The following ARHGAP20 variants were observed in gnomAD, a reference collection of about 807,000 sequenced individuals.
ARHGAP20 encodes the protein Rho GTPase activating protein 20.
Under a neutral mutation model 73.7 loss-of-function variants are expected in ARHGAP20, and 34 were observed. The ratio of observed to expected loss-of-function variants is 0.46; its 90% confidence interval spans 0.35 to 0.61. The LOEUF (loss-of-function observed/expected upper bound fraction) is 0.61. Among genes scored for constraint, ARHGAP20 ranks in the 20% least tolerant of loss-of-function variants. ARHGAP20 has a pLI of 0.00. For missense variants in ARHGAP20, 1,314 were observed against 1,420.9 expected, an observed-to-expected ratio of 0.92 and a Z score of 1.21; for synonymous variants, 523 against 518.2, an observed-to-expected ratio of 1.01 and a Z score of -0.13.
In ARHGAP20 at chr11:110,579,823, A is replaced by G. The variant is rs755491292; in HGVS notation, c.3123T>C (p.Gly1041=). The G allele has an allele frequency of 9.9e-6, 16 of 1,614,146 alleles. No individual in the cohort carries two copies. The highest frequency in any genetic ancestry group is 1.3e-5 in the Non-Finnish European group (15 of 1,180,032). Residue 1041 remains glycine, a synonymous_variant, in exon 15 of 15, where the codon GGT becomes GGC. Transcript: ENST00000683387. ...TLHPSTWLRN[G]VASLKNWSLK... is the part of the protein sequence containing the mutation. ...GGGACCAGTTTTTCAAACTGGCCAC[A>G]CCATTTCTCAACCATGTGCTGGGAT... is the stretch of plus-strand genomic sequence containing the variant.
intron 9 of ARHGAP20, among the ~76,000 whole-genome samples, chr11:110,598,667 A>G (rs1290684916): frequency 6.6e-6 from 1 of 152,218 alleles, no homozygotes; most frequent in Non-Finnish European, 1.5e-5. Flanking sequence ...TAGTGATGGC[A>G]GCAGCAGGCT....
At chr11:110,622,882 C>T (rs1039260910) in intron 4 of ARHGAP20, among the ~76,000 whole-genome samples, 3 of 152,058 alleles carry the variant, frequency 2.0e-5, no homozygotes, top group Non-Finnish European at 4.4e-5. Context: ...GTTAAAGAAC[C>T]ATAGTTTAAA....
At chr11:110,676,441 C>T (rs566044442) in intron 2 of ARHGAP20, among the ~76,000 whole-genome samples, 1 of 152,208 alleles carries the variant, frequency 6.6e-6, no homozygotes, top group Admixed American at 6.5e-5. Flanking sequence ...CTTTACATGG[C>T]AGCAGCAAGG....
intron 2 of ARHGAP20, among the ~76,000 whole-genome samples, chr11:110,667,974 T>C (rs1482974291): frequency 6.6e-6 from 1 of 152,222 alleles, no homozygotes; most frequent in East Asian, 1.9e-4. Flanking sequence ...CTTGTAAAGA[T>C]GCTGAAATGA....
At chr11:110,657,378 T>C (rs2135030602) in intron 2 of ARHGAP20, among the ~76,000 whole-genome samples, 1 of 152,002 alleles carries the variant, frequency 6.6e-6, no homozygotes, top group Middle Eastern at 3.4e-3. Flanking sequence ...AAAGAAATGA[T>C]TATGTTAAAA....
chr11:110,619,750 A>AGTATATGTAGTGATAGT (rs1400229139), intron 4 of ARHGAP20, among the ~76,000 whole-genome samples: 1 of 151,344 alleles, frequency 6.6e-6, no homozygotes, highest in Non-Finnish European at 1.5e-5. Context: ...GTAGTGATAG[A>AGTATATGTAGTGATAGT]GTATATGTAG....
chr11:110,592,633 G>C (rs1424273381), intron 9 of ARHGAP20, among the ~76,000 whole-genome samples: 1 of 152,106 alleles, frequency 6.6e-6, no homozygotes, highest in East Asian at 1.9e-4. Context: ...GTAAGAGAAG[G>C]ACAAGATGAA....
Position 110,615,482 on chromosome 11 carries a change from A to G in ARHGAP20, c.545+71T>C, listed in dbSNP as rs148459642. On this transcript the variant is annotated intron_variant, in intron 5 of 14. Coordinates refer to ENST00000683387, the MANE Select transcript of ARHGAP20 (RefSeq NM_001384657.1). ...GGAGAAGGGGAATAATTTGGGGCAC[A>G]TCTCTGCAGAAAAGGTCTTAATTCA... 4.7e-3 allele frequency: 6,611 copies of G among 1,417,714 alleles called. 25 individuals carry two copies. The highest frequency in any genetic ancestry group is 5.9e-3 in the Middle Eastern group (31 of 5,252). 87.8% of individuals were successfully genotyped at this position (1,417,714 alleles called of 1,614,324 possible).
chr11:110,622,204 G>C (rs1948644440), intron 4 of ARHGAP20, among the ~76,000 whole-genome samples: 1 of 152,148 alleles, frequency 6.6e-6, no homozygotes, highest in Non-Finnish European at 1.5e-5. Flanking sequence ...TGATGTAACT[G>C]TACCCTGCTC....
At chr11:110,657,938 G>GGAGA (rs1949506268) in intron 2 of ARHGAP20, among the ~76,000 whole-genome samples, 1 of 148,172 alleles carries the variant, frequency 6.7e-6, no homozygotes, top group Non-Finnish European at 1.5e-5. Context: ...AAGGAAGGAA[G>GGAGA]GAAGGAAGGA....
At chr11:110,593,219 GA>G (rs2134833352) in intron 9 of ARHGAP20, among the ~76,000 whole-genome samples, 1 of 152,262 alleles carries the variant, frequency 6.6e-6, no homozygotes, top group South Asian at 2.1e-4. Flanking sequence ...ACATGAAAAA[GA>G]ACAGGCAGAA....
At chr11:110,591,859 T>C (rs1025899825) in intron 10 of ARHGAP20, 118 bp downstream of exon 10, 10 of 1,068,798 alleles carry the variant, frequency 9.4e-6, no homozygotes, top group Non-Finnish European at 1.2e-5. Context: ...ATAGTGAAGA[T>C]TCTTAGCCAA....
At chr11:110,623,089 T>C (rs1023602319) in intron 4 of ARHGAP20, among the ~76,000 whole-genome samples, 1 of 152,146 alleles carries the variant, frequency 6.6e-6, no homozygotes. Flanking sequence ...AAAGAAGATA[T>C]GCTGAGAATG....
At chr11:110,652,312 T>C (rs983602293) in intron 2 of ARHGAP20, among the ~76,000 whole-genome samples, 1 of 152,120 alleles carries the variant, frequency 6.6e-6, no homozygotes, top group Non-Finnish European at 1.5e-5. Context: ...AAGCATTCCT[T>C]TGGAAAACCA....
rs1487771754 is a variant in ARHGAP20, at chr11:110,621,450, T to C, written c.503+2712A>G. 3.6e-5 allele frequency among the ~76,000 whole-genome samples: 5 copies of C among 139,330 alleles called. No homozygotes were observed. The East Asian group carries it at 6.7e-4, about 19-fold the overall frequency. 91.4% of individuals were successfully genotyped at this position (139,330 alleles called of 152,430 possible). ...ATACATTTTTCCTTTAAAAAATCTTTGCTTTTTTTTTCCTGTTCCTCAGAT... is the reference window on the plus strand; with the variant it reads ...ATACATTTTTCCTTTAAAAAATCTTCGCTTTTTTTTTCCTGTTCCTCAGAT... On this transcript the variant is annotated intron_variant, in intron 4 of 14. Transcript: ENST00000683387.
At chr11:110,589,625 A>T (rs946368264) in intron 11 of ARHGAP20, 51 of 984,902 alleles carry the variant, frequency 5.2e-5, no homozygotes, top group Non-Finnish European at 5.8e-5. Context: ...CTTAAAGCTC[A>T]TTTTGACTGT....
intron 2 of ARHGAP20, among the ~76,000 whole-genome samples, chr11:110,673,138 G>C (rs1949862849): frequency 1.3e-5 from 2 of 152,016 alleles, no homozygotes; most frequent in African/African-American, 4.8e-5. Flanking sequence ...CAAAAAGAGG[G>C]ATATTTCCAT....
At position 110,580,846 on chromosome 11, in the gene ARHGAP20, G is replaced by A. The variant is rs781663200; in HGVS notation, c.2100C>T (p.His700=). 3.7e-6 allele frequency: 6 copies of A among 1,613,374 alleles called. No individual in the cohort carries two copies. The Admixed American group carries it at 1.0e-4, about 27-fold the overall frequency. ...AANAAKSLRR[H]RRCSEPSIDY... ...CGATGCTGGGCTCTGAGCAACGCCG[G>A]TGTCGCCTCAGGCTTTTTGCAGCAT... The change falls in exon 15 of 15, where the codon CAC becomes CAT. Residue 700 remains histidine, a synonymous_variant. Transcript: ENST00000683387.
At chr11:110,640,160 T>C (rs2134981936) in intron 2 of ARHGAP20, among the ~76,000 whole-genome samples, 1 of 152,168 alleles carries the variant, frequency 6.6e-6, no homozygotes, top group East Asian at 1.9e-4. Context: ...TTTTTAACTC[T>C]GGATCCTCAT....
Sources: allele counts gnomAD v4.1 joint callset (sites outside exome capture counted in the v4.1 genomes callset), GRCh38; gene constraint gnomAD v4.1.1; transcripts MANE v1.5; gene names NCBI Gene and HGNC (gene_info 2026-07-23, HGNC 2026-07-21).